The following ZFP57 variants were observed in gnomAD, a reference collection of about 807,000 sequenced individuals.
ZFP57 encodes the protein zinc finger protein 57 homolog.
ZFP57 carries 12 observed loss-of-function variants against 15.8 expected under a neutral mutation model. The ratio of observed to expected loss-of-function variants is 0.76; its 90% CI spans 0.49 to 1.23. The LOEUF (loss-of-function observed/expected upper bound fraction) is 1.23, where lower values mean the gene tolerates loss of function less well. ZFP57 is among the 50% of genes most tolerant of loss of function. The pLI is 0.00. For synonymous variants in ZFP57, 203 were observed against 242.3 expected, an observed-to-expected ratio of 0.84 and a Z score of 1.51; for missense variants, 536 against 654.9, an observed-to-expected ratio of 0.82 and a Z score of 1.98.
In ZFP57 at chr6:29,676,986, C is replaced by T. The variant is rs1399694782; in HGVS notation, c.18G>A (p.Lys6=). ...GCGTCTTCTGTACAGGTTCGATTGG[C>T]TTCAGCTGTTCAAACATCTTCTCTT... The part of the protein sequence containing the change: MFEQL[K]PIEPVQKTLP... The change falls in exon 2 of 5, where the codon AAG becomes AAA. Residue 6 remains lysine, a synonymous_variant. Coordinates refer to ENST00000376883, the MANE Select transcript of ZFP57 (RefSeq NM_001109809.5). The T allele has an allele frequency of 6.2e-7, 1 of 1,614,220 alleles. No individual in the cohort carries two copies. Among genetic ancestry groups the T allele is most frequent in the Non-Finnish European group, 8.5e-7 (1 of 1,180,040 alleles).
At chr6:29,679,694 G>GC (rs1458214587) in intron 1 of ZFP57, among the ~76,000 whole-genome samples, 18 of 152,162 alleles carry the variant, frequency 1.2e-4, no homozygotes, top group Admixed American at 4.6e-4. Flanking sequence ...TTTGAGACCA[G>GC]CCTGACCAAC....
intron 4 of ZFP57, among the ~76,000 whole-genome samples, chr6:29,674,229 A>G (rs55976902): frequency 0.094 from 14,215 of 151,856 alleles, 1,045 homozygotes; most frequent in African/African-American, 0.2. Flanking sequence ...GAAGAAGACG[A>G]AGACGAAGAA....
In ZFP57 at chr6:29,677,145, G is replaced by T; in HGVS notation, c.-142C>A. 8.8e-7 allele frequency: 1 copy of T among 1,138,930 alleles called. No homozygotes were observed. The highest frequency in any genetic ancestry group is 1.3e-6 in the Non-Finnish European group (1 of 771,594). 70.6% of individuals were successfully genotyped at this position (1,138,930 alleles called of 1,614,324 possible). ...CAGCAAAGGCCCCAGGGTTTGATGT[G>T]GCTTCCTGTGACAAATGTATCTGCT... On this transcript the variant is annotated 5_prime_UTR_variant, in exon 2 of 5. Transcript: ENST00000376883.
chr6:29,680,556 T>A (rs1278411746), intron 1 of ZFP57, among the ~76,000 whole-genome samples: 2 of 152,134 alleles, frequency 1.3e-5, no homozygotes, highest in Non-Finnish European at 2.9e-5. Flanking sequence ...GCCCTGCACC[T>A]ACCCACCAGA....
intron 1 of ZFP57, among the ~76,000 whole-genome samples, chr6:29,679,108 T>C (rs1480391369): frequency 6.6e-6 from 1 of 152,218 alleles, no homozygotes; most frequent in African/African-American, 2.4e-5. Flanking sequence ...TATATACAGA[T>C]CTTTGTGAAG....
chr6:29,678,667 ATTG>A (rs199926975), intron 1 of ZFP57, among the ~76,000 whole-genome samples: 3,415 of 152,264 alleles, frequency 0.022, 44 homozygotes, highest in Admixed American at 0.036. Context: ...ATTACTAGTT[ATTG>A]TTGTCAATCT....
At chr6:29,677,476 G>T (rs1336754728) in intron 1 of ZFP57, 110 bp from the exon 2 acceptor site, 3 of 201,454 alleles carry the variant, frequency 1.5e-5, no homozygotes, top group African/African-American at 7.0e-5. Flanking sequence ...TGTGCCACTG[G>T]ATGCTCTCAG....
In ZFP57 at chr6:29,676,980, G is replaced by A. The variant is rs534190757; in HGVS notation, c.24C>T (p.Ile8=). ...ATGGGAGCGTCTTCTGTACAGGTTC[G>A]ATTGGCTTCAGCTGTTCAAACATCT... MFEQLKP[I]EPVQKTLPWV... is the part of the protein sequence containing the mutation. Residue 8 remains isoleucine (I), a synonymous_variant, in exon 2 of 5, where the codon ATC becomes ATT. Coordinates refer to ENST00000376883, the MANE Select transcript of ZFP57 (RefSeq NM_001109809.5). 47 of 1,614,182 alleles carry A rather than the reference G, an allele frequency of 2.9e-5. No homozygotes were observed. In the African/African-American group the frequency reaches 3.7e-4, roughly 13 times the overall value.
intron 2 of ZFP57, 43 bp from the exon 3 acceptor site, chr6:29,676,102 ATGTGTG>A (rs9280638): frequency 1.9e-5 from 24 of 1,266,220 alleles, no homozygotes; most frequent in Non-Finnish European, 2.6e-5. Context: ...ATAAATATAT[ATGTGTG>A]TGTGTGTGTG....
intron 1 of ZFP57, among the ~76,000 whole-genome samples, 198 bp from the exon 2 acceptor site, chr6:29,677,564 C>G (rs1012556193): frequency 4.6e-5 from 7 of 152,232 alleles, no homozygotes; most frequent in African/African-American, 1.7e-4. Context: ...GACAAGTGGA[C>G]ATTCTTGATC....
chr6:29,673,711 C>T lies in ZFP57; in HGVS notation c.400G>A (p.Glu134Lys), dbSNP rs1241267382. 4 of 1,613,002 alleles carry T rather than the reference C, an allele frequency of 2.5e-6. No individual in the cohort carries two copies. Among genetic ancestry groups the T allele is most frequent in the Non-Finnish European group, 2.5e-6 (3 of 1,180,052 alleles). The change falls in exon 5 of 5, where the codon GAG becomes AAG. Residue 134 changes from glutamate to lysine, a missense_variant. Coordinates refer to ENST00000376883, the MANE Select transcript of ZFP57 (RefSeq NM_001109809.5). This position sits in a 1 kb window ranked among gnomAD's most constrained non-coding sequence, Gnocchi z 4.7. ...LREQHPSLRD[E>K]GTSDDKVFLA... The stretch of plus-strand genomic sequence containing the variant: ...AAGACCTTGTCATCACTAGTCCCCT[C>T]ATCTCTCAGACTGGGATGTTGTTCT...
Position 29,680,169 on chromosome 6 carries a change from C to CAT in ZFP57, c.-364+891_-364+892dup, listed in dbSNP as rs536251758. On this transcript the variant is annotated intron_variant, in intron 1 of 4. Transcript: ENST00000376883. ...CGGCGGGAGGAGGAAGGAGACTGGG[C>CAT]ATAACTCATCAGACTTTCGACTGTA... Among the ~76,000 whole-genome samples the CAT allele has an allele frequency of 6.6e-5, 10 of 152,240 alleles. No individual in the cohort carries two copies. The East Asian group carries it at 1.9e-3, about 29-fold the overall frequency.
Position 29,672,777 on chromosome 6 carries a change from C to G in ZFP57, c.1334G>C (p.Cys445Ser). The change falls in exon 5 of 5, where the codon TGT becomes TCT. Residue 445 changes from cysteine (C) to serine (S), a missense_variant. Transcript: ENST00000376883. ...CTCTTTCTCCCCAAAGGAGAGGTCA[C>G]AGATAGGGCAAAGGTAGCTCTTCTG... ...WKQKSYLCPICDLSFGEKEGL... is the reference protein window; with the variant it reads ...WKQKSYLCPISDLSFGEKEGL... The G allele has an allele frequency of 6.2e-7, 1 of 1,613,060 alleles. No homozygotes were observed. Among genetic ancestry groups the G allele is most frequent in the East Asian group, 2.2e-5 (1 of 44,890 alleles).
rs9280638 is a variant in ZFP57, at chr6:29,676,102, A to ATGTGTGTG, written c.124-51_124-44dup. 1,208 of 1,266,362 alleles carry ATGTGTGTG rather than the reference A, an allele frequency of 9.5e-4. 8 individuals carry two copies. The highest frequency in any genetic ancestry group is 1.3e-3 in the Non-Finnish European group (1,111 of 883,684). 78.4% of individuals were successfully genotyped at this position (1,266,362 alleles called of 1,614,324 possible). A position where few individuals can be genotyped will look rare whatever the true frequency, so the allele number is the denominator to read the frequency against. ...ACTCAAGAAGTTTATATAAATATAT[A>ATGTGTGTG]TGTGTGTGTGTGTGTGTGTGTGTAC... On this transcript the variant is annotated intron_variant, in intron 2 of 4. Transcript: ENST00000376883.
In ZFP57 at chr6:29,673,596, C is replaced by T. The variant is rs1771871569; in HGVS notation, c.515G>A (p.Gly172Glu). 7 of 1,612,856 alleles carry T rather than the reference C, an allele frequency of 4.3e-6. No homozygotes were observed. The African/African-American group carries it at 5.3e-5, about 12-fold the overall frequency. Residue 172 changes from glycine (G) to glutamate (E), a missense_variant, in exon 5 of 5, where the codon GGG (glycine) becomes GAG (glutamate). Physicochemically the swap from Gly to Glu is moderately conservative, Grantham distance 98 (BLOSUM62 -2). Coordinates refer to ENST00000376883, the MANE Select transcript of ZFP57 (RefSeq NM_001109809.5). The surrounding 1 kb of genome is among the most constrained non-coding windows in gnomAD (Gnocchi z 4.7). ...ACAGGTGTAGCAAAAAAAGGGTGGC[C>T]CAGCCTGGGATGCTTGAAGCACCCG... ...RTRVLQASQA[G>E]PPFFCYTCGK...
At chr6:29,679,825 G>A (rs373197075) in intron 1 of ZFP57, among the ~76,000 whole-genome samples, 2 of 152,118 alleles carry the variant, frequency 1.3e-5, no homozygotes, top group African/African-American at 4.8e-5. Flanking sequence ...CAGAGGTTGC[G>A]GTGAGCGGAG....
intron 1 of ZFP57, among the ~76,000 whole-genome samples, chr6:29,677,795 A>ACACACACACACACG: frequency 6.7e-6 from 1 of 149,212 alleles, no homozygotes; most frequent in Non-Finnish European, 1.5e-5. Context: ...ACACACACAC[A>ACACACACACACACG]CAATTCTGTG....
At chr6:29,674,943 A>G (rs940528566) in intron 4 of ZFP57, among the ~76,000 whole-genome samples, 3 of 152,058 alleles carry the variant, frequency 2.0e-5, no homozygotes, top group African/African-American at 7.2e-5. Context: ...ACCTGAGGTC[A>G]AGACATCAAG....
At chr6:29,675,574 C>T in intron 3 of ZFP57, 87 bp from the exon 4 acceptor site, 3 of 1,112,700 alleles carry the variant, frequency 2.7e-6, no homozygotes, top group Non-Finnish European at 4.2e-6. Flanking sequence ...CCTCCTGTAG[C>T]CTTTGTTTAA....
Sources: gnomAD v4.1 joint callset for allele counts (sites outside exome capture counted in the v4.1 genomes callset) on GRCh38, gnomAD v4.1.1 for gene constraint, Gnocchi (gnomAD v3.1) non-coding constraint, MANE v1.5 for transcripts, NCBI Gene and HGNC (gene_info 2026-07-23, HGNC 2026-07-21) for gene names.